The following DNAAF11 variants were observed in gnomAD, a reference collection of about 807,000 sequenced individuals.
DNAAF11 encodes the protein leucine rich repeat containing 6.
DNAAF11 carries 45 observed loss-of-function variants against 60.8 expected under a neutral mutation model. The ratio of observed to expected loss-of-function variants is 0.74; its 90% CI spans 0.58 to 0.95. The LOEUF (loss-of-function observed/expected upper bound fraction) is 0.95. Among genes scored for constraint, DNAAF11 ranks in the 40% least tolerant of loss-of-function variants. The pLI, the probability that DNAAF11 is intolerant of heterozygous loss-of-function variation, is 0.00. For synonymous variants in DNAAF11, 191 were observed against 183.5 expected, an observed-to-expected ratio of 1.04 and a Z score of -0.33; for missense variants, 546 against 546.2, an observed-to-expected ratio of 1.00 and a Z score of 0.00.
At chr8:132,689,073 G>A in the DNAAF11 span, among the ~76,000 whole-genome samples, 2 of 152,124 alleles carry the variant, frequency 1.3e-5, no homozygotes, top group African/African-American at 4.8e-5. Flanking sequence ...GCTACTAGGA[G>A]GTATTTGTGC....
At chr8:132,609,369 T>C (rs1818428423) in intron 10 of DNAAF11, among the ~76,000 whole-genome samples, 1 of 151,672 alleles carries the variant, frequency 6.6e-6, no homozygotes, top group African/African-American at 2.4e-5. Context: ...AAAAAGCCTG[T>C]ACATGTTCAG....
At chr8:132,697,088 G>T in the DNAAF11 span, among the ~76,000 whole-genome samples, 1 of 152,206 alleles carries the variant, frequency 6.6e-6, no homozygotes, top group African/African-American at 2.4e-5. Flanking sequence ...CATATTGCAT[G>T]ATTCCATTTA....
chr8:132,585,566 G>A (rs946537456), intron 10 of DNAAF11, among the ~76,000 whole-genome samples: 2 of 152,130 alleles, frequency 1.3e-5, no homozygotes, highest in Non-Finnish European at 2.9e-5. Context: ...TGCTACTAAA[G>A]ACATTAAATA....
chr8:132,661,356 A>G, intron 2 of DNAAF11, 104 bp downstream of exon 2: 1 of 910,134 alleles, frequency 1.1e-6, no homozygotes, highest in Non-Finnish European at 1.6e-6. Context: ...TTTCCCATGG[A>G]GTTTTTTTTT....
chr8:132,639,984 C>T lies in DNAAF11; in HGVS notation c.257-1877G>A, dbSNP rs78764111. ...ACAGAATCCAGAAGTAGGCAATGCC[C>T]ATTAGACATTGTAAGCTACCCTAAA... On this transcript the variant is annotated intron_variant, in intron 3 of 11. Coordinates refer to ENST00000620350, the MANE Select transcript of DNAAF11 (RefSeq NM_012472.6). 4.1e-3 allele frequency among the ~76,000 whole-genome samples: 629 copies of T among 152,198 alleles called. 10 individuals are homozygous for T. The highest frequency in any genetic ancestry group is 0.014 in the African/African-American group (593 of 41,526).
chr8:132,674,799 A>T (rs1434438313), intron 1 of DNAAF11, among the ~76,000 whole-genome samples: 1 of 152,190 alleles, frequency 6.6e-6, no homozygotes, highest in Non-Finnish European at 1.5e-5. Flanking sequence ...GAGGCAGGAG[A>T]ATTGCTTGAA....
chr8:132,595,868 A>G (rs1248380443), intron 10 of DNAAF11, among the ~76,000 whole-genome samples: 3 of 152,202 alleles, frequency 2.0e-5, no homozygotes, highest in African/African-American at 4.8e-5. Flanking sequence ...AGGCTGTCCA[A>G]GGTAGTCCAG....
rs146779891 is a variant in DNAAF11, at chr8:132,631,854, G to A, written c.653+886C>T. Among the ~76,000 whole-genome samples, 880 of 152,164 alleles carry A rather than the reference G, an allele frequency of 5.8e-3. 8 individuals carry two copies. The highest frequency in any genetic ancestry group is 0.02 in the African/African-American group (828 of 41,514). ...CACAGGAAGGGGAACATCACACACCGGGGCCTGTTGTGGGGTTGGGGGAGT... is the reference window on the plus strand; with the variant it reads ...CACAGGAAGGGGAACATCACACACCAGGGCCTGTTGTGGGGTTGGGGGAGT... On this transcript the variant is annotated intron_variant, in intron 5 of 11. Coordinates refer to ENST00000620350, the MANE Select transcript of DNAAF11 (RefSeq NM_012472.6).
intron 3 of DNAAF11, among the ~76,000 whole-genome samples, chr8:132,648,216 G>A (rs1173449847): frequency 2.0e-5 from 3 of 152,030 alleles, no homozygotes; most frequent in Admixed American, 2.0e-4. Context: ...TATGCAAACC[G>A]ATAAATATAA....
intron 1 of DNAAF11, among the ~76,000 whole-genome samples, chr8:132,663,174 C>T (rs1016541084): frequency 6.6e-6 from 1 of 152,218 alleles, no homozygotes; most frequent in Non-Finnish European, 1.5e-5. Context: ...CAGTACACCA[C>T]CACCAGCCTG....
At chr8:132,613,226 G>C (rs1818836125) in intron 8 of DNAAF11, among the ~76,000 whole-genome samples, 1 of 152,180 alleles carries the variant, frequency 6.6e-6, no homozygotes, top group Non-Finnish European at 1.5e-5. Context: ...TGGAGAGGAA[G>C]GGACCACACT....
At chr8:132,603,387 G>C (rs562473042) in intron 10 of DNAAF11, among the ~76,000 whole-genome samples, 1 of 152,134 alleles carries the variant, frequency 6.6e-6, no homozygotes, top group African/African-American at 2.4e-5. Context: ...TGAAGCACCT[G>C]GTGGCAAAGG....
At chr8:132,696,173 A>C in the DNAAF11 span, among the ~76,000 whole-genome samples, 1 of 152,342 alleles carries the variant, frequency 6.6e-6, no homozygotes, top group South Asian at 2.1e-4. Flanking sequence ...GTTGCCAGGA[A>C]AAATGCACAT....
intron 11 of DNAAF11, among the ~76,000 whole-genome samples, chr8:132,575,030 T>C (rs1255680250): frequency 6.6e-6 from 1 of 152,222 alleles, no homozygotes; most frequent in African/African-American, 2.4e-5. Context: ...TTGAAACCAA[T>C]TGTGTTATGA....
rs139098169 is a variant in DNAAF11 at position 132,571,031 on chromosome 8, A to G, written c.*1275T>C. On this transcript the variant is annotated 3_prime_UTR_variant, in exon 12 of 12. Transcript: ENST00000620350. ...CCAGCTCTTCCCACATTTGTGCCCA[A>G]TTGCATTCCTATAACCAGTCCCTCA... 1.3e-3 allele frequency among the ~76,000 whole-genome samples: 195 copies of G among 152,260 alleles called. No homozygotes were observed. The highest frequency in any genetic ancestry group is 4.5e-3 in the African/African-American group (188 of 41,550).
the DNAAF11 span, among the ~76,000 whole-genome samples, chr8:132,683,522 GT>G: frequency 2.0e-3 from 297 of 152,236 alleles, 2 homozygotes; most frequent in Admixed American, 3.7e-3. Flanking sequence ...CTTCTGGCCT[GT>G]TTTCTTATTT....
At position 132,641,766 on chromosome 8, in the gene DNAAF11, G is replaced by A. The variant is rs189631265; in HGVS notation, c.257-3659C>T. Among the ~76,000 whole-genome samples, 5 of 152,258 alleles carry A rather than the reference G, an allele frequency of 3.3e-5. No homozygotes were observed. In the East Asian group the frequency reaches 9.6e-4, roughly 29 times the overall value. ...TAAATTCTAGTAAGTATAATTACAT[G>A]ATATAAAATAAATAAGCACATGTAG... is the stretch of plus-strand genomic sequence containing the variant. On this transcript the variant is annotated intron_variant, in intron 3 of 11. Transcript: ENST00000620350.
chr8:132,612,825 A>G (rs1302933394), intron 8 of DNAAF11, among the ~76,000 whole-genome samples: 1 of 152,218 alleles, frequency 6.6e-6, no homozygotes, highest in Non-Finnish European at 1.5e-5. Flanking sequence ...AGCATAATTC[A>G]TTTAGACAGA....
At chr8:132,647,540 C>T (rs906387134) in intron 3 of DNAAF11, among the ~76,000 whole-genome samples, 1 of 152,142 alleles carries the variant, frequency 6.6e-6, no homozygotes, top group South Asian at 2.1e-4. Flanking sequence ...GACAGAAACA[C>T]AAAAAACCCT....
Sources: allele counts gnomAD v4.1 joint callset (sites outside exome capture counted in the v4.1 genomes callset), GRCh38; gene constraint gnomAD v4.1.1; transcripts MANE v1.5; gene names NCBI Gene and HGNC (gene_info 2026-07-23, HGNC 2026-07-21).